TLK1: variants seen among roughly 807,000 people sequenced by gnomAD.
TLK1 encodes tousled like kinase 1, also known as serine/threonine-protein kinase tousled-like 1.
In TLK1, 24 loss-of-function variants were observed where a neutral mutation model predicts 105.3. The observed-to-expected ratio is 0.23, with a 90% CI of 0.17 to 0.32. The LOEUF (loss-of-function observed/expected upper bound fraction) is 0.32. Ranked by LOEUF, TLK1 falls within the 10% of genes least tolerant of loss-of-function variation. The probability of loss-of-function intolerance (pLI) is 1.00; values close to 1 mark genes in which losing one functional copy is unlikely to be tolerated. For synonymous variants in TLK1, 321 were observed against 310.4 expected, an observed-to-expected ratio of 1.03 and a Z score of -0.36; for missense variants, 558 against 910.5, an observed-to-expected ratio of 0.61 and a Z score of 4.98.
rs375313982 is a variant in TLK1 at position 171,143,191 on chromosome 2, T to A, written c.139+17099A>T. Among the ~76,000 whole-genome samples, 8 of 152,272 alleles carry A rather than the reference T, an allele frequency of 5.3e-5. No homozygotes were observed. In the South Asian group the frequency reaches 1.4e-3, roughly 28 times the overall value. On this transcript the variant is annotated intron_variant, in intron 1 of 20. Transcript: ENST00000431350. ...GAAATGATATCAAATGGTAAATGAA[T>A]AGACAAGTAAGGTTAGTACAAAAAC...
intron 1 of TLK1, among the ~76,000 whole-genome samples, chr2:171,169,011 G>C (rs1253818423): frequency 6.6e-6 from 1 of 151,968 alleles, no homozygotes; most frequent in Non-Finnish European, 1.5e-5. Context: ...CTGGGAGGCA[G>C]AGGTTGCAGT....
chr2:171,187,839 TTGAA>T (rs1198002064), intron 1 of TLK1, among the ~76,000 whole-genome samples: 2 of 152,204 alleles, frequency 1.3e-5, no homozygotes, highest in Admixed American at 6.5e-5. Context: ...TAAATATTTA[TTGAA>T]TGAATGAATG....
At chr2:171,183,098 T>C (rs960675999) in intron 1 of TLK1, among the ~76,000 whole-genome samples, 2 of 152,132 alleles carry the variant, frequency 1.3e-5, no homozygotes, top group Admixed American at 1.3e-4. Flanking sequence ...GAAAATGAAG[T>C]TTAAAAACCT....
chr2:171,176,106 T>A (rs1428094463), intron 1 of TLK1, among the ~76,000 whole-genome samples: 1 of 151,874 alleles, frequency 6.6e-6, no homozygotes, highest in Non-Finnish European at 1.5e-5. Context: ...CCTGCTAAAT[T>A]TTTTTGTATT....
chr2:171,073,942 G>C (rs1007743217), intron 3 of TLK1, among the ~76,000 whole-genome samples: 1 of 145,316 alleles, frequency 6.9e-6, no homozygotes, highest in African/African-American at 2.6e-5. Flanking sequence ...CCAGGCTGGA[G>C]TGCAGTGGTG....
chr2:171,147,391 T>C (rs1691833142), intron 1 of TLK1, among the ~76,000 whole-genome samples: 1 of 152,212 alleles, frequency 6.6e-6, no homozygotes, highest in Non-Finnish European at 1.5e-5. Context: ...CTTTGCCCAG[T>C]AAGCCAAATC....
intron 2 of TLK1, among the ~76,000 whole-genome samples, chr2:171,095,741 C>A (rs1304256638): frequency 6.6e-6 from 1 of 151,808 alleles, no homozygotes; most frequent in Non-Finnish European, 1.5e-5. Context: ...ATCTTATGAT[C>A]ATCTCAATAG....
In TLK1 at chr2:171,019,600, A is replaced by G. The variant is rs780367216; in HGVS notation, c.1237-4652T>C. ...CATATTCTCTCTATCAAAAAACTCA[A>G]TTTCTAAGAACTGCCTCGCATAAAG... is the stretch of plus-strand genomic sequence containing the variant. On this transcript the variant is annotated intron_variant, in intron 12 of 20. Transcript: ENST00000431350. 3.4e-4 allele frequency among the ~76,000 whole-genome samples: 51 copies of G among 152,216 alleles called. 1 individual carries two copies. Among genetic ancestry groups the G allele is most frequent in the Non-Finnish European group, 4.7e-4 (32 of 68,038 alleles).
intron 1 of TLK1, among the ~76,000 whole-genome samples, chr2:171,187,261 C>G (rs983373566): frequency 2.0e-5 from 3 of 151,968 alleles, no homozygotes; most frequent in Admixed American, 2.0e-4. Flanking sequence ...GCATCCACTC[C>G]TAGGAGCTTC....
intron 3 of TLK1, among the ~76,000 whole-genome samples, chr2:171,078,119 CTTCT>C (rs1688595778): frequency 6.6e-6 from 1 of 152,174 alleles, no homozygotes; most frequent in African/African-American, 2.4e-5. Flanking sequence ...TGTTATCTTC[CTTCT>C]GTGATGCCCA....
chr2:171,157,878 C>T (rs1456398125), intron 1 of TLK1, among the ~76,000 whole-genome samples: 1 of 152,148 alleles, frequency 6.6e-6, no homozygotes, highest in East Asian at 1.9e-4. Context: ...TAAACTGACT[C>T]AATTTTTCAA....
At chr2:171,036,435 A>G (rs576060255) in intron 11 of TLK1, among the ~76,000 whole-genome samples, 1 of 152,246 alleles carries the variant, frequency 6.6e-6, no homozygotes, top group Non-Finnish European at 1.5e-5. Flanking sequence ...ACAGATTGTT[A>G]GCAGGCTAAA....
intron 12 of TLK1, among the ~76,000 whole-genome samples, chr2:171,026,552 T>C (rs1189061227): frequency 6.6e-6 from 1 of 152,180 alleles, no homozygotes; most frequent in African/African-American, 2.4e-5. Context: ...AATCTGAAAT[T>C]TGGTATTACA....
At chr2:171,142,372 A>T (rs7606502) in intron 1 of TLK1, among the ~76,000 whole-genome samples, 61,300 of 152,062 alleles carry the variant, frequency 0.4, 14,109 homozygotes, top group African/African-American at 0.61. Flanking sequence ...AAACTAGTTT[A>T]TTTAAACTAG....
chr2:171,148,509 T>C (rs1575629647), intron 1 of TLK1, among the ~76,000 whole-genome samples: 3 of 152,216 alleles, frequency 2.0e-5, no homozygotes, highest in East Asian at 3.9e-4. Context: ...TATGGAGTCA[T>C]TGCAAAGTAA....
rs1392289729 is a variant in TLK1, at chr2:171,223,410, C to T, written c.-6+7735G>A. On this transcript the variant is annotated intron_variant, in intron 1 of 20. Coordinates refer to the TLK1 transcript ENST00000521943. ...TTATCTGATGATTAATGAGGTTGAG[C>T]ATTTTTCTTTCACATACCTGTTGGC... Among the ~76,000 whole-genome samples the T allele has an allele frequency of 2.0e-5, 3 of 150,710 alleles. No individual in the cohort carries two copies. The East Asian group carries it at 5.8e-4, about 29-fold the overall frequency.
At chr2:171,060,347 C>A (rs561239512) in intron 4 of TLK1, among the ~76,000 whole-genome samples, 27 of 152,250 alleles carry the variant, frequency 1.8e-4, no homozygotes, top group African/African-American at 6.5e-4. Context: ...AAATACAATA[C>A]ACCTCAGAAA....
At chr2:171,101,217 G>C (rs56004444) in intron 2 of TLK1, among the ~76,000 whole-genome samples, 4 of 151,732 alleles carry the variant, frequency 2.6e-5, no homozygotes, top group Admixed American at 6.6e-5. Context: ...GTGGTGGTAC[G>C]TGCCTGTAAT....
At chr2:171,166,261 G>T (rs1021147295) in intron 1 of TLK1, among the ~76,000 whole-genome samples, 2 of 152,226 alleles carry the variant, frequency 1.3e-5, no homozygotes, top group Non-Finnish European at 2.9e-5. Flanking sequence ...GGAGAGCAAG[G>T]ACCCTTCTCT....
Sources: gnomAD v4.1 joint callset for allele counts (sites outside exome capture counted in the v4.1 genomes callset) on GRCh38, gnomAD v4.1.1 for gene constraint, MANE v1.5 for transcripts, NCBI Gene and HGNC (gene_info 2026-07-23, HGNC 2026-07-21) for gene names.